The following RGL1 variants were observed in gnomAD, a reference collection of about 807,000 sequenced individuals.
RGL1 encodes ral guanine nucleotide dissociation stimulator-like 1.
In RGL1, 24 loss-of-function variants were observed where a neutral mutation model predicts 95.2. The observed-to-expected ratio is 0.25, with a 90% confidence interval of 0.18 to 0.35. RGL1 has a LOEUF of 0.35. Among genes scored for constraint, RGL1 ranks in the 10% least tolerant of loss-of-function variants. RGL1 has a pLI of 1.00. For missense variants in RGL1, 715 were observed against 936.3 expected, an observed-to-expected ratio of 0.76 and a Z score of 3.08; for synonymous variants, 329 against 344.9, an observed-to-expected ratio of 0.95 and a Z score of 0.51.
chr1:183,736,006 A>G (rs907649135), intron 1 of RGL1, among the ~76,000 whole-genome samples: 2 of 152,232 alleles, frequency 1.3e-5, no homozygotes, highest in African/African-American at 4.8e-5. Flanking sequence ...ACCAGGAGTT[A>G]GATGCTAAGG....
intron 4 of RGL1, among the ~76,000 whole-genome samples, chr1:183,876,336 G>A (rs1666495350): frequency 6.6e-6 from 1 of 152,254 alleles, no homozygotes; most frequent in African/African-American, 2.4e-5. Context: ...GACGATTGCA[G>A]TCGGTTGGAA....
intron 14 of RGL1, among the ~76,000 whole-genome samples, chr1:183,907,864 G>A (rs1031132675): frequency 6.6e-6 from 1 of 152,038 alleles, no homozygotes; most frequent in Non-Finnish European, 1.5e-5. Context: ...GGGCATGGTG[G>A]TGCACGCATG....
At chr1:183,776,553 G>A (rs1197734621) in intron 2 of RGL1, among the ~76,000 whole-genome samples, 1 of 152,162 alleles carries the variant, frequency 6.6e-6, no homozygotes, top group Non-Finnish European at 1.5e-5. Context: ...ATTCGGAAAA[G>A]CTAAGAGGAA....
intron 3 of RGL1, among the ~76,000 whole-genome samples, chr1:183,848,387 G>T (rs1181954095): frequency 6.6e-6 from 1 of 152,060 alleles, no homozygotes; most frequent in African/African-American, 2.4e-5. Context: ...GTTTTATTTA[G>T]AATTAAACTT....
intron 1 of RGL1, among the ~76,000 whole-genome samples, chr1:183,677,925 T>C (rs1205234668): frequency 6.6e-6 from 1 of 152,220 alleles, no homozygotes; most frequent in Admixed American, 6.5e-5. Flanking sequence ...GAACAGAGGT[T>C]CTTGATAACA....
intron 8 of RGL1, among the ~76,000 whole-genome samples, chr1:183,891,540 C>T (rs561754906): frequency 3.3e-5 from 5 of 152,128 alleles, no homozygotes; most frequent in African/African-American, 4.8e-5. Context: ...AGAGCCCATC[C>T]GGTTCCACCA....
intron 9 of RGL1, among the ~76,000 whole-genome samples, chr1:183,897,452 G>T (rs1375345205): frequency 6.6e-6 from 1 of 152,176 alleles, no homozygotes; most frequent in African/African-American, 2.4e-5. Context: ...GGGAGGCTGA[G>T]GCAGGAGAAT....
chr1:183,867,542 G>A (rs545290157), intron 4 of RGL1, among the ~76,000 whole-genome samples: 3 of 152,304 alleles, frequency 2.0e-5, no homozygotes, highest in Non-Finnish European at 4.4e-5. Flanking sequence ...AGAGAATGAA[G>A]GGGATGAAGT....
At chr1:183,682,995 T>A (rs146393449) in intron 1 of RGL1, among the ~76,000 whole-genome samples, 12,280 of 151,654 alleles carry the variant, frequency 0.081, 908 homozygotes, top group African/African-American at 0.2. Flanking sequence ...TGCAACCCCT[T>A]CTTTTTTTTT....
exon 1 of RGL1, chr1:183,636,379 C>T (rs998956424): frequency 3.8e-5 from 15 of 391,568 alleles, no homozygotes; most frequent in Non-Finnish European, 1.3e-5. Flanking sequence ...AAGCCCGTTT[C>T]CTGGGATTGG....
At chr1:183,853,365 C>T (rs1015542554) in intron 3 of RGL1, among the ~76,000 whole-genome samples, 1 of 152,050 alleles carries the variant, frequency 6.6e-6, no homozygotes, top group African/African-American at 2.4e-5. Context: ...CAACAAGAAC[C>T]AGAGTAGGGG....
At chr1:183,813,938 AT>A in intron 2 of RGL1, among the ~76,000 whole-genome samples, 2 of 152,246 alleles carry the variant, frequency 1.3e-5, no homozygotes, top group East Asian at 3.9e-4. Flanking sequence ...TTCACATTTT[AT>A]TTTTTAGGAT....
In RGL1 at chr1:183,900,170, G is replaced by A; in HGVS notation, c.1251G>A (p.Val417=). ...TTCAGGGTGTGATGCAGGGAACTGT[G>A]CCCTACCTGGGCACCTTCCTGACTG... ...QKDMGVMQGT[V]PYLGTFLTDL... The change falls in exon 11 of 18, where the codon GTG becomes GTA. Residue 417 remains valine (V), a synonymous_variant. Coordinates refer to ENST00000360851, the MANE Select transcript of RGL1 (RefSeq NM_001297671.3). The A allele has an allele frequency of 6.2e-7, 1 of 1,613,884 alleles. No individual in the cohort carries two copies. The highest frequency in any genetic ancestry group is 8.5e-7 in the Non-Finnish European group (1 of 1,179,782).
rs1664526345 is a variant in RGL1 at position 183,847,560 on chromosome 1, A to T, written c.139-6A>T. On this transcript the variant is annotated splice_polypyrimidine_tract_variant and splice_region_variant and intron_variant, in intron 2 of 17. Transcript: ENST00000360851. Reference sequence around the variant, plus strand: ...TCCTTATGGTAATTGTTAATTTATTATACAGGTTGAAGGGGACCAGCTGCC... The same window carrying T: ...TCCTTATGGTAATTGTTAATTTATTTTACAGGTTGAAGGGGACCAGCTGCC... The T allele has an allele frequency of 6.2e-7, 1 of 1,609,860 alleles. No homozygotes were observed. Among genetic ancestry groups the T allele is most frequent in the Non-Finnish European group, 8.5e-7 (1 of 1,177,746 alleles).
At chr1:183,801,128 C>A (rs1039247590), upstream of RGL1, among the ~76,000 whole-genome samples, 1 of 145,734 alleles carries the variant, frequency 6.9e-6, no homozygotes, top group Non-Finnish European at 1.5e-5. Flanking sequence ...CCCATTCTCA[C>A]CAACACTTGT....
At chr1:183,829,355 T>A (rs1203927293) in intron 2 of RGL1, among the ~76,000 whole-genome samples, 2 of 151,488 alleles carry the variant, frequency 1.3e-5, no homozygotes, top group Non-Finnish European at 2.9e-5. Context: ...GGTGAGAGGA[T>A]TGCTTGAGCC....
At chr1:183,886,349 G>A (rs1667108744) in intron 7 of RGL1, among the ~76,000 whole-genome samples, 1 of 152,080 alleles carries the variant, frequency 6.6e-6, no homozygotes, top group Non-Finnish European at 1.5e-5. Flanking sequence ...AAGAAGTTGT[G>A]AGTGAGATAT....
intron 2 of RGL1, among the ~76,000 whole-genome samples, chr1:183,840,701 A>AAATAAATAAATAAATAAATAAAT: frequency 1.6e-5 from 1 of 61,866 alleles, no homozygotes; most frequent in African/African-American, 3.8e-5. Context: ...TGTCTCTAAA[A>AAATAAATAAATAAATAAATAAAT]AATAAATAAA....
At chr1:183,750,067 G>A (rs967936487) in intron 2 of RGL1, among the ~76,000 whole-genome samples, 11 of 152,146 alleles carry the variant, frequency 7.2e-5, no homozygotes, top group Admixed American at 6.5e-4. Flanking sequence ...GAGCATCTTA[G>A]TGGTGCTCTC....
Sources: gnomAD v4.1 joint callset for allele counts (sites outside exome capture counted in the v4.1 genomes callset) on GRCh38, gnomAD v4.1.1 for gene constraint, MANE v1.5 for transcripts, NCBI Gene and HGNC (gene_info 2026-07-23, HGNC 2026-07-21) for gene names.